ADCY8: variants seen among roughly 807,000 people sequenced by gnomAD.
ADCY8 encodes adenylate cyclase type 8.
ADCY8 carries 51 observed loss-of-function variants against 119.7 expected under a neutral mutation model. The observed-to-expected ratio is 0.43, with a 90% CI of 0.34 to 0.54. The LOEUF is 0.54. ADCY8 is among the 20% of genes least tolerant of loss of function. ADCY8 has a pLI of 0.03. For synonymous variants in ADCY8, 665 were observed against 651.0 expected (o/e 1.02, Z -0.33); for missense variants, 1,383 against 1,598.8 (o/e 0.87, Z 2.30).
intron 2 of ADCY8, among the ~76,000 whole-genome samples, chr8:130,966,760 C>T (rs924313793): frequency 6.6e-6 from 1 of 152,248 alleles, no homozygotes; most frequent in African/African-American, 2.4e-5. Context: ...CAGTTGCGTC[C>T]TGTGTGAATT....
At chr8:130,904,930 A>G (rs1819731877) in intron 6 of ADCY8, among the ~76,000 whole-genome samples, 1 of 152,188 alleles carries the variant, frequency 6.6e-6, no homozygotes, top group African/African-American at 2.4e-5. Flanking sequence ...CTAGCAAGGT[A>G]AGGTGGTTAC....
intron 12 of ADCY8, among the ~76,000 whole-genome samples, chr8:130,826,486 C>A (rs1805890850): frequency 6.6e-6 from 1 of 152,138 alleles, no homozygotes; most frequent in Admixed American, 6.6e-5. Flanking sequence ...TTCTTTAATT[C>A]CCTCCAAATG....
At chr8:130,902,465 G>C (rs756506046) in intron 7 of ADCY8, among the ~76,000 whole-genome samples, 3 of 152,278 alleles carry the variant, frequency 2.0e-5, no homozygotes, top group South Asian at 2.1e-4. Flanking sequence ...AAGACCTAAG[G>C]GTCAACTCTT....
At chr8:130,957,944 G>A (rs577449833) in intron 2 of ADCY8, among the ~76,000 whole-genome samples, 64 of 152,354 alleles carry the variant, frequency 4.2e-4, no homozygotes, top group African/African-American at 1.5e-3. Flanking sequence ...GACATTCATG[G>A]AGAACCTCTG....
chr8:130,923,219 A>G (rs1249538539), intron 5 of ADCY8, among the ~76,000 whole-genome samples: 3 of 151,996 alleles, frequency 2.0e-5, no homozygotes, highest in African/African-American at 7.3e-5. Flanking sequence ...GAGAGAGAGA[A>G]AGAGAGAAAA....
At chr8:130,848,578 T>C (rs965810919) in intron 10 of ADCY8, among the ~76,000 whole-genome samples, 4 of 152,158 alleles carry the variant, frequency 2.6e-5, no homozygotes, top group African/African-American at 9.7e-5. Context: ...GGGCTCCAAG[T>C]CACAGGCCAA....
chr8:130,903,795 C>T lies in ADCY8; in HGVS notation c.1888G>A (p.Asp630Asn). The T allele has an allele frequency of 1.9e-6, 3 of 1,612,826 alleles. No individual in the cohort carries two copies. Among genetic ancestry groups the T allele is most frequent in the Non-Finnish European group, 2.5e-6 (3 of 1,179,958 alleles). Residue 630 changes from aspartate (D) to asparagine (N), a missense_variant, in exon 7 of 18, where the codon GAT becomes AAT. Asp to Asn is a conservative substitution (Grantham distance 23). Transcript: ENST00000286355. ...ACATTCTGTTTCCCCACGATATTAT[C>T]AAAGGGCAGTTCAGGGCTCCAGGAT... ...EGSWSPELPF[D>N]NIVGKQNTLA... is the part of the protein sequence containing the mutation.
intron 9 of ADCY8, among the ~76,000 whole-genome samples, chr8:130,859,960 T>G (rs1208455885): frequency 6.6e-6 from 1 of 152,210 alleles, no homozygotes; most frequent in Non-Finnish European, 1.5e-5. Context: ...CATTGATGTC[T>G]TTGTGTGGCT....
intron 11 of ADCY8, among the ~76,000 whole-genome samples, chr8:130,839,509 C>A (rs77378014): frequency 0.038 from 5,297 of 139,612 alleles, 1,046 homozygotes; most frequent in Middle Eastern, 0.061. Flanking sequence ...GGGGTGGGAC[C>A]AGGAAATGGG....
intron 8 of ADCY8, among the ~76,000 whole-genome samples, chr8:130,871,994 A>G (rs1385575146): frequency 6.6e-6 from 1 of 152,134 alleles, no homozygotes; most frequent in Non-Finnish European, 1.5e-5. Context: ...ATATAGATAT[A>G]TATTTTTTTC....
intron 15 of ADCY8, among the ~76,000 whole-genome samples, chr8:130,798,797 G>A (rs1026665270): frequency 3.9e-5 from 6 of 152,214 alleles, no homozygotes; most frequent in Middle Eastern, 3.4e-3. Context: ...ATGTCTGCAC[G>A]CCCATGTTCA....
chr8:131,010,742 G>A (rs1367954023), intron 1 of ADCY8, among the ~76,000 whole-genome samples: 1 of 152,216 alleles, frequency 6.6e-6, no homozygotes, highest in African/African-American at 2.4e-5. Context: ...ACTGGACTCA[G>A]TGTGTCACTA....
At chr8:130,987,649 G>A (rs956687243) in intron 2 of ADCY8, among the ~76,000 whole-genome samples, 6 of 151,990 alleles carry the variant, frequency 3.9e-5, no homozygotes, top group Non-Finnish European at 7.4e-5. Context: ...ATCTGCTGTC[G>A]CTTAGGTTCT....
chr8:131,034,451 C>A (rs1824088449), intron 1 of ADCY8, among the ~76,000 whole-genome samples: 1 of 151,578 alleles, frequency 6.6e-6, no homozygotes, highest in East Asian at 1.9e-4. Context: ...TTATCCAGCA[C>A]AAAGAAAAAA....
chr8:130,958,709 G>T (rs1399298594), intron 2 of ADCY8, among the ~76,000 whole-genome samples: 2 of 152,152 alleles, frequency 1.3e-5, no homozygotes, highest in African/African-American at 4.8e-5. Flanking sequence ...CTATGATTTA[G>T]TTATTTCCAC....
In ADCY8 at chr8:130,985,339, C is replaced by T. The variant is rs79615060; in HGVS notation, c.1110+5054G>A. ...AGGTGCAGGGATGAAAGGAAAGTTA[C>T]ACCAGGTAGGGAAAAAGGTGTAAAC... is the stretch of plus-strand genomic sequence containing the variant. On this transcript the variant is annotated intron_variant, in intron 2 of 17. Coordinates refer to ENST00000286355, the MANE Select transcript of ADCY8 (RefSeq NM_001115.3). Among the ~76,000 whole-genome samples, 953 of 152,196 alleles carry T rather than the reference C, an allele frequency of 6.3e-3. 6 individuals carry two copies. The highest frequency in any genetic ancestry group is 0.022 in the African/African-American group (906 of 41,514).
intron 16 of ADCY8, 35 bp from the exon 17 acceptor site, chr8:130,783,840 G>A (rs1815166252): frequency 3.3e-6 from 5 of 1,527,594 alleles, no homozygotes; most frequent in Non-Finnish European, 3.6e-6. Flanking sequence ...ATCATTTAAT[G>A]CGGAATGTGG....
chr8:130,802,668 C>T (rs190113793), intron 14 of ADCY8, among the ~76,000 whole-genome samples: 1 of 152,218 alleles, frequency 6.6e-6, no homozygotes, highest in Non-Finnish European at 1.5e-5. Context: ...ATTTGTACTT[C>T]TGTGTGCATG....
chr8:131,032,692 A>C (rs1586671797), intron 1 of ADCY8, among the ~76,000 whole-genome samples: 2 of 152,228 alleles, frequency 1.3e-5, no homozygotes, highest in East Asian at 3.9e-4. Context: ...CAGGGAGAAA[A>C]TCTGGCTTCC....
Sources: allele counts gnomAD v4.1 joint callset (sites outside exome capture counted in the v4.1 genomes callset), GRCh38; gene constraint gnomAD v4.1.1; transcripts MANE v1.5; gene names NCBI Gene and HGNC (gene_info 2026-07-23, HGNC 2026-07-21).